The following XKR6 variants were observed in gnomAD, a reference collection of about 807,000 sequenced individuals.
The protein encoded by XKR6 is XK-related protein 6.
XKR6 carries 22 observed loss-of-function variants against 56.7 expected under a neutral mutation model. The observed-to-expected ratio is 0.39, with a 90% CI of 0.28 to 0.55. XKR6 has a LOEUF of 0.55. Ranked by LOEUF, XKR6 falls within the 20% of genes least tolerant of loss-of-function variation. XKR6 has a pLI of 0.66. For missense variants in XKR6, 852 were observed against 889.0 expected, an observed-to-expected ratio of 0.96 and a Z score of 0.53; for synonymous variants, 524 against 387.8, an observed-to-expected ratio of 1.35 and a Z score of -4.13.
intron 2 of XKR6, among the ~76,000 whole-genome samples, chr8:10,904,091 C>T (rs1033508991): frequency 6.6e-6 from 1 of 152,216 alleles, no homozygotes; most frequent in Non-Finnish European, 1.5e-5. Flanking sequence ...AGCTCCATCA[C>T]TGACTGCATT....
In XKR6 at chr8:10,897,896, T is replaced by G; in HGVS notation, c.*56A>C. ...AAGGGAGGGTTATATTTCTTGCAAG[T>G]GCTGTTTGCCGCAAACCAAACTTAA... On this transcript the variant is annotated 3_prime_UTR_variant, in exon 3 of 3. Coordinates refer to ENST00000416569, the MANE Select transcript of XKR6 (RefSeq NM_173683.4). The G allele has an allele frequency of 6.6e-7, 1 of 1,515,024 alleles. No homozygotes were observed. Among genetic ancestry groups the G allele is most frequent in the South Asian group, 1.3e-5 (1 of 74,572 alleles). 93.8% of individuals were successfully genotyped at this position (1,515,024 alleles called of 1,614,324 possible). A position where few individuals can be genotyped will look rare whatever the true frequency, so the allele number is the denominator to read the frequency against.
intron 1 of XKR6, among the ~76,000 whole-genome samples, chr8:10,979,105 C>A (rs939570676): frequency 8.6e-5 from 13 of 151,872 alleles, no homozygotes; most frequent in Non-Finnish European, 1.8e-4. Flanking sequence ...TCCTTGCAGT[C>A]TTCCCTGAAT....
intron 1 of XKR6, among the ~76,000 whole-genome samples, chr8:11,116,966 T>G (rs756971586): frequency 2.0e-5 from 3 of 152,216 alleles, no homozygotes; most frequent in Non-Finnish European, 4.4e-5. Context: ...ATACTTAGTC[T>G]TAACTTTTAC....
chr8:11,178,843 T>C (rs987669081), intron 1 of XKR6, among the ~76,000 whole-genome samples: 2 of 150,824 alleles, frequency 1.3e-5, no homozygotes, highest in Admixed American at 6.6e-5. Context: ...TTCCCTTTTT[T>C]CTTTTTTTTA....
At chr8:10,913,684 G>A (rs866183270) in intron 2 of XKR6, among the ~76,000 whole-genome samples, 7 of 152,194 alleles carry the variant, frequency 4.6e-5, no homozygotes, top group Non-Finnish European at 1.0e-4. Flanking sequence ...ATGCAGATGC[G>A]GACCAGGTGT....
chr8:11,019,976 G>C (rs1040963400), intron 1 of XKR6, among the ~76,000 whole-genome samples: 8 of 152,290 alleles, frequency 5.3e-5, no homozygotes, highest in Admixed American at 5.2e-4. Context: ...ATCCACTGGA[G>C]AGAAGGGATA....
At chr8:11,174,777 C>G (rs1368318512) in intron 1 of XKR6, among the ~76,000 whole-genome samples, 6 of 152,094 alleles carry the variant, frequency 3.9e-5, no homozygotes, top group Non-Finnish European at 5.9e-5. Flanking sequence ...GGAGCACATA[C>G]TAGAGGGCTT....
intron 1 of XKR6, among the ~76,000 whole-genome samples, chr8:11,140,897 C>CAAAAA (rs35388667): frequency 2.3e-5 from 2 of 88,114 alleles, no homozygotes; most frequent in African/African-American, 4.1e-5. Context: ...GACTCTGTCT[C>CAAAAA]AAAAAAAAAA....
intron 1 of XKR6, among the ~76,000 whole-genome samples, chr8:10,992,116 G>A (rs1798007101): frequency 6.6e-6 from 1 of 152,172 alleles, no homozygotes. Context: ...TCAGGGGATG[G>A]AAATCTATAA....
At chr8:11,016,284 G>T (rs1798620126) in intron 1 of XKR6, among the ~76,000 whole-genome samples, 1 of 152,182 alleles carries the variant, frequency 6.6e-6, no homozygotes, top group South Asian at 2.1e-4. Context: ...CCGCGCCCTG[G>T]ATGGGGAGGG....
chr8:11,198,409 T>C (rs1337053412), intron 1 of XKR6, among the ~76,000 whole-genome samples: 2 of 149,374 alleles, frequency 1.3e-5, no homozygotes, highest in Non-Finnish European at 1.5e-5. Flanking sequence ...AAGTTAACTT[T>C]AGGAAATATT....
intron 1 of XKR6, among the ~76,000 whole-genome samples, chr8:11,122,104 G>C (rs1420889577): frequency 6.6e-6 from 1 of 152,156 alleles, no homozygotes; most frequent in Non-Finnish European, 1.5e-5. Flanking sequence ...TTCCATCCCA[G>C]ACACAAGGCC....
At chr8:10,976,028 T>C (rs1245824461) in intron 1 of XKR6, among the ~76,000 whole-genome samples, 1 of 151,784 alleles carries the variant, frequency 6.6e-6, no homozygotes, top group Non-Finnish European at 1.5e-5. Flanking sequence ...CAAAAAAAAT[T>C]AGCTGGGCGC....
chr8:10,997,398 T>C (rs1383486216), intron 1 of XKR6, among the ~76,000 whole-genome samples: 1 of 152,190 alleles, frequency 6.6e-6, no homozygotes, highest in Admixed American at 6.5e-5. Flanking sequence ...CAAGGCTACA[T>C]AGCCAACAAA....
chr8:11,119,452 T>A (rs979238473), intron 1 of XKR6, among the ~76,000 whole-genome samples: 1 of 152,202 alleles, frequency 6.6e-6, no homozygotes, highest in Non-Finnish European at 1.5e-5. Flanking sequence ...CTAAGTCTCT[T>A]TGTAGGTCAC....
chr8:10,942,838 C>T (rs993443500), intron 1 of XKR6, among the ~76,000 whole-genome samples: 2 of 152,244 alleles, frequency 1.3e-5, no homozygotes, highest in African/African-American at 4.8e-5. Flanking sequence ...CTTGCAGCCA[C>T]AGCAAAGCTT....
At chr8:11,191,871 G>C (rs530843874) in intron 1 of XKR6, among the ~76,000 whole-genome samples, 6 of 152,150 alleles carry the variant, frequency 3.9e-5, no homozygotes, top group African/African-American at 1.2e-4. Flanking sequence ...TACGAATTAA[G>C]GATAATTATG....
At chr8:11,163,293 T>C (rs1801912863) in intron 1 of XKR6, among the ~76,000 whole-genome samples, 1 of 152,242 alleles carries the variant, frequency 6.6e-6, no homozygotes, top group African/African-American at 2.4e-5. Context: ...GCACAGCTTA[T>C]ATTACCCAGA....
At chr8:10,931,785 TCAGA>T (rs1190696642) in intron 1 of XKR6, among the ~76,000 whole-genome samples, 9 of 151,226 alleles carry the variant, frequency 6.0e-5, no homozygotes, top group African/African-American at 2.0e-4. Context: ...GTACCTTGTA[TCAGA>T]CAAAGAGTTC....
Sources: gnomAD v4.1 joint callset for allele counts (sites outside exome capture counted in the v4.1 genomes callset) on GRCh38, gnomAD v4.1.1 for gene constraint, MANE v1.5 for transcripts, NCBI Gene and HGNC (gene_info 2026-07-23, HGNC 2026-07-21) for gene names.